POU2F1: variants seen among roughly 807,000 people sequenced by gnomAD.
POU2F1 encodes the protein POU domain, class 2, transcription factor 1.
Under a neutral mutation model 84.9 loss-of-function variants are expected in POU2F1, and 16 were observed. The ratio of observed to expected loss-of-function variants is 0.19; its 90% CI spans 0.13 to 0.29. The LOEUF (loss-of-function observed/expected upper bound fraction) is 0.29. Among genes scored for constraint, POU2F1 ranks in the 10% least tolerant of loss-of-function variants. The probability of loss-of-function intolerance (pLI) is 1.00; values close to 1 mark genes in which losing one functional copy is unlikely to be tolerated. For synonymous variants in POU2F1, 368 were observed against 368.3 expected, an observed-to-expected ratio of 1.00 and a Z score of 0.01; for missense variants, 738 against 942.6, an observed-to-expected ratio of 0.78 and a Z score of 2.84.
chr1:167,412,481 G>A (rs1650037537), intron 14 of POU2F1, among the ~76,000 whole-genome samples, 177 bp downstream of exon 14: 1 of 152,096 alleles, frequency 6.6e-6, no homozygotes, highest in African/African-American at 2.4e-5. Flanking sequence ...TTGAGTTTAT[G>A]TTTCTTAACA....
chr1:167,264,363 G>A (rs977972803), intron 1 of POU2F1, among the ~76,000 whole-genome samples: 5 of 152,198 alleles, frequency 3.3e-5, no homozygotes, highest in Admixed American at 2.0e-4. Flanking sequence ...GCCCCCAAGT[G>A]GAAAGGAATT....
chr1:167,221,038 T>C (rs2102308907), intron 1 of POU2F1, 80 bp downstream of exon 1: 1 of 1,243,032 alleles, frequency 8.0e-7, no homozygotes, highest in East Asian at 2.5e-5. Context: ...CTTAGCATAA[T>C]TTATTAGTAC....
At chr1:167,368,078 C>T (rs1406630567) in intron 3 of POU2F1, among the ~76,000 whole-genome samples, 4 of 152,068 alleles carry the variant, frequency 2.6e-5, no homozygotes, top group African/African-American at 4.8e-5. Context: ...TATCATTTTC[C>T]AATATTGGCC....
At chr1:167,373,207 A>G (rs1660121466) in intron 5 of POU2F1, among the ~76,000 whole-genome samples, 1 of 152,214 alleles carries the variant, frequency 6.6e-6, no homozygotes, top group Admixed American at 6.5e-5. Flanking sequence ...AAGTGACTGT[A>G]CATATACTTC....
intron 1 of POU2F1, among the ~76,000 whole-genome samples, chr1:167,232,132 C>T (rs1281764683): frequency 6.6e-6 from 1 of 152,210 alleles, no homozygotes; most frequent in East Asian, 1.9e-4. Context: ...GAGCTGTTTG[C>T]ATCCCGTGAA....
chr1:167,323,354 T>C (rs1194401091), intron 1 of POU2F1, among the ~76,000 whole-genome samples: 2 of 152,204 alleles, frequency 1.3e-5, no homozygotes, highest in African/African-American at 2.4e-5. Flanking sequence ...GTAATAGATT[T>C]AGTTTTAAAG....
chr1:167,276,464 G>A (rs1652735961), intron 1 of POU2F1, among the ~76,000 whole-genome samples: 2 of 151,964 alleles, frequency 1.3e-5, no homozygotes, highest in East Asian at 1.9e-4. Context: ...ATATATATAG[G>A]AAAAACATAG....
rs1158051642 is a variant in POU2F1 at position 167,423,865 on chromosome 1, T to C, written c.*8055T>C. 1 of 152,270 alleles carries C rather than the reference T, an allele frequency of 6.6e-6. No homozygotes were observed. Among genetic ancestry groups the C allele is most frequent in the East Asian group, 1.9e-4 (1 of 5,202 alleles). The allele number at this position is 152,270 out of a possible 1,614,324, so 9.4% of individuals were successfully genotyped here. A position where few individuals can be genotyped will look rare whatever the true frequency, so the allele number is the denominator to read the frequency against. On this transcript the variant is annotated 3_prime_UTR_variant, in exon 16 of 16. Transcript: ENST00000367866. ...TTCTCAAACATTATATCCCAAAGTC[T>C]GCAGGCAGACAGCTGGATACAGCGC...
At chr1:167,279,050 T>C (rs564078586) in intron 1 of POU2F1, among the ~76,000 whole-genome samples, 1 of 152,334 alleles carries the variant, frequency 6.6e-6, no homozygotes, top group Non-Finnish European at 1.5e-5. Flanking sequence ...GATTGGTGTC[T>C]CCATGTTCTT....
chr1:167,275,030 G>GTTTTTTT (rs1202443333), intron 1 of POU2F1, among the ~76,000 whole-genome samples: 1 of 120,754 alleles, frequency 8.3e-6, no homozygotes, highest in Non-Finnish European at 1.7e-5. Context: ...TCAAATAAAT[G>GTTTTTTT]TATTTTTTTT....
intron 2 of POU2F1, chr1:167,357,397 G>A (rs1272767212): frequency 1.2e-5 from 1 of 84,330 alleles, no homozygotes; most frequent in African/African-American, 5.0e-5. Flanking sequence ...CCGCTTCTTT[G>A]TGAGACGGGG....
chr1:167,353,279 GCTGT>G (rs969559194), intron 2 of POU2F1, among the ~76,000 whole-genome samples: 1 of 150,466 alleles, frequency 6.6e-6, no homozygotes, highest in Non-Finnish European at 1.5e-5. Context: ...AAAAATTGTA[GCTGT>G]CTGATTTGAG....
Position 167,371,961 on chromosome 1 carries a change from G to C in POU2F1, c.327G>C (p.Gln109His). Residue 109 changes from glutamine (Q) to histidine (H), a missense_variant, in exon 5 of 16, where the codon CAG becomes CAC. Gln to His is a conservative substitution (Grantham distance 24). Around this residue, in one of 4 missense-constraint regions of POU2F1, gnomAD observed 161 missense variants for 147.0 expected, o/e 1.10. Coordinates refer to ENST00000367866, the MANE Select transcript of POU2F1 (RefSeq NM_002697.4). Reference protein sequence around the residue: ...EESGDSQQPSQPSQQPSVQAA... With the variant: ...EESGDSQQPSHPSQQPSVQAA... Reference sequence around the variant, plus strand: ...CGGGGGATTCGCAGCAGCCAAGCCAGCCTTCCCAGCAGCCTTCAGTGCAGG... The same window carrying C: ...CGGGGGATTCGCAGCAGCCAAGCCACCCTTCCCAGCAGCCTTCAGTGCAGG... The C allele has an allele frequency of 1.2e-6, 2 of 1,614,156 alleles. No individual in the cohort carries two copies. Among genetic ancestry groups the C allele is most frequent in the Non-Finnish European group, 1.7e-6 (2 of 1,179,998 alleles).
At chr1:167,311,005 A>G (rs982602394) in intron 1 of POU2F1, among the ~76,000 whole-genome samples, 1 of 152,166 alleles carries the variant, frequency 6.6e-6, no homozygotes, top group Non-Finnish European at 1.5e-5. Context: ...TTAGGACTAC[A>G]ACAAAAATTC....
intron 1 of POU2F1, among the ~76,000 whole-genome samples, chr1:167,283,146 T>G (rs564295179): frequency 6.6e-6 from 1 of 152,216 alleles, no homozygotes; most frequent in Non-Finnish European, 1.5e-5. Flanking sequence ...GACCCTTTTT[T>G]GAGGGCAGGA....
At position 167,236,401 on chromosome 1, in the gene POU2F1, G is replaced by A. The variant is rs377218734; in HGVS notation, c.61+15443G>A. Among the ~76,000 whole-genome samples, 4 of 151,888 alleles carry A rather than the reference G, an allele frequency of 2.6e-5. No individual in the cohort carries two copies. In the East Asian group the frequency reaches 7.7e-4, roughly 29 times the overall value. On this transcript the variant is annotated intron_variant, in intron 1 of 15. Coordinates refer to ENST00000367866, the MANE Select transcript of POU2F1 (RefSeq NM_002697.4). Reference sequence around the variant, plus strand: ...CAGACATGAGCCACCGCGCCCGGCCGACATCTTCTTATTAAATTTTTATTA... The same window carrying A: ...CAGACATGAGCCACCGCGCCCGGCCAACATCTTCTTATTAAATTTTTATTA...
intron 10 of POU2F1, among the ~76,000 whole-genome samples, chr1:167,397,379 AGAACT>A (rs1372345077): frequency 6.6e-6 from 1 of 152,246 alleles, no homozygotes; most frequent in Non-Finnish European, 1.5e-5. Flanking sequence ...ATAAACAAAC[AGAACT>A]GGAGACATAG....
At chr1:167,391,346 G>A (rs1648384118) in intron 9 of POU2F1, among the ~76,000 whole-genome samples, 1 of 152,092 alleles carries the variant, frequency 6.6e-6, no homozygotes, top group African/African-American at 2.4e-5. Flanking sequence ...ATTAGACTGG[G>A]TGCCTTTATG....
intron 2 of POU2F1, among the ~76,000 whole-genome samples, chr1:167,336,059 TATGTAG>T (rs1657422760): frequency 6.6e-6 from 1 of 152,228 alleles, no homozygotes; most frequent in Non-Finnish European, 1.5e-5. Flanking sequence ...GCATAAACTA[TATGTAG>T]ATACTATTTT....
Sources: allele counts gnomAD v4.1 joint callset (sites outside exome capture counted in the v4.1 genomes callset), GRCh38; gene constraint gnomAD v4.1.1; regional missense constraint gnomAD v4.1.1; transcripts MANE v1.5; gene names NCBI Gene and HGNC (gene_info 2026-07-23, HGNC 2026-07-21).